Variants in UGGT2 observed in about 807,000 individuals in gnomAD.
UGGT2 encodes the protein UDP-glucose glycoprotein glucosyltransferase 2.
UGGT2 carries 180 observed loss-of-function variants against 192.1 expected under a neutral mutation model. That is an observed-to-expected ratio of 0.94 (90% CI 0.83 to 1.06). UGGT2 has a LOEUF of 1.06. UGGT2 is among the 50% of genes least tolerant of loss of function. UGGT2 has a pLI of 0.00. For synonymous variants in UGGT2, 580 were observed against 591.0 expected (o/e 0.98, Z 0.27); for missense variants, 1,849 against 1,795.7 (o/e 1.03, Z -0.54).
Position 95,999,287 on chromosome 13 carries a change from C to T in UGGT2, c.681G>A (p.Met227Ile). ...HYIQKPSSRK[M>I]YLSGYGVELA... ...GCTCCACACCATACCCAGATAAGTA[C>T]ATTTTCCGTGAGCTTGGTTTCTGTT... The change falls in exon 6 of 39, where the codon ATG (methionine) becomes ATA (isoleucine). Residue 227 changes from methionine (M) to isoleucine (I), a missense_variant. Met to Ile is a conservative substitution (Grantham distance 10, BLOSUM62 1). Coordinates refer to ENST00000376747, the MANE Select transcript of UGGT2 (RefSeq NM_020121.4). The T allele has an allele frequency of 1.9e-6, 3 of 1,613,508 alleles. No individual in the cohort carries two copies. The highest frequency in any genetic ancestry group is 2.5e-6 in the Non-Finnish European group (3 of 1,179,662).
intron 7 of UGGT2, chr13:95,995,487 G>A (rs2051589474): frequency 6.6e-6 from 1 of 152,310 alleles, no homozygotes; most frequent in Non-Finnish European, 1.5e-5. Context: ...GTCCATGTTA[G>A]TACAATTTTA....
chr13:95,850,248 A>G (rs905338184), intron 36 of UGGT2, among the ~76,000 whole-genome samples: 1 of 152,214 alleles, frequency 6.6e-6, no homozygotes, highest in Admixed American at 6.5e-5. Flanking sequence ...ACATGAATGT[A>G]GAAAGAAAAG....
chr13:95,881,553 TCAAA>T (rs774866790), intron 27 of UGGT2, among the ~76,000 whole-genome samples: 4 of 125,978 alleles, frequency 3.2e-5, no homozygotes, highest in Non-Finnish European at 7.2e-5. Context: ...CCTCTGGCAA[TCAAA>T]CAAATTCTTT....
chr13:95,942,230 GTGTGTGTGTGTGTGT>G, intron 15 of UGGT2, among the ~76,000 whole-genome samples: 1 of 47,124 alleles, frequency 2.1e-5, no homozygotes, highest in African/African-American at 5.2e-5. Flanking sequence ...GGGTGTGTGT[GTGTGTGTGTGTGTGT>G]GTGTGTGTGT....
chr13:95,879,479 A>C (rs1438676559), intron 27 of UGGT2, among the ~76,000 whole-genome samples: 1 of 152,244 alleles, frequency 6.6e-6, no homozygotes, highest in South Asian at 2.1e-4. Context: ...TCTGTTGCCC[A>C]GGCTGGAGTA....
At chr13:95,985,387 C>T (rs2140877654) in intron 9 of UGGT2, 1 of 702,196 alleles carries the variant, frequency 1.4e-6, no homozygotes, top group Non-Finnish European at 2.1e-6. Context: ...ACCAAAAAAT[C>T]CTTGGTATCT....
chr13:95,927,629 TTTTGTTTG>T (rs370414668), intron 17 of UGGT2, among the ~76,000 whole-genome samples: 3 of 152,144 alleles, frequency 2.0e-5, no homozygotes, highest in Admixed American at 6.5e-5. Flanking sequence ...CACTGAATTT[TTTTGTTTG>T]TTTGTTTGTT....
chr13:96,036,928 T>C (rs61973969), intron 1 of UGGT2, among the ~76,000 whole-genome samples: 5,208 of 152,278 alleles, frequency 0.034, 100 homozygotes, highest in Non-Finnish European at 0.041. Flanking sequence ...TTCACTCTTT[T>C]GGACAAAGTT....
chr13:96,044,836 C>T (rs544916487), intron 1 of UGGT2, among the ~76,000 whole-genome samples: 33 of 152,048 alleles, frequency 2.2e-4, no homozygotes, highest in African/African-American at 6.3e-4. Context: ...TAGTAAGCAG[C>T]GAGATTAAAA....
chr13:95,889,750 G>C (rs925813476), intron 25 of UGGT2, among the ~76,000 whole-genome samples: 5 of 152,298 alleles, frequency 3.3e-5, no homozygotes, highest in African/African-American at 1.2e-4. Flanking sequence ...CTTTCACAGG[G>C]AAAGAATTTC....
intron 20 of UGGT2, among the ~76,000 whole-genome samples, chr13:95,921,199 G>A (rs1257976273): frequency 2.0e-5 from 3 of 152,082 alleles, no homozygotes; most frequent in African/African-American, 7.2e-5. Context: ...GTTGGGGGTA[G>A]GGGGTGTGGG....
At chr13:96,037,068 T>C (rs896029589) in intron 1 of UGGT2, among the ~76,000 whole-genome samples, 4 of 152,250 alleles carry the variant, frequency 2.6e-5, no homozygotes, top group African/African-American at 7.2e-5. Context: ...GGTGTTTTTA[T>C]ACGCACTAAA....
intron 29 of UGGT2, among the ~76,000 whole-genome samples, chr13:95,870,448 C>T (rs1332296179): frequency 1.3e-5 from 2 of 152,168 alleles, no homozygotes; most frequent in African/African-American, 4.8e-5. Context: ...TGTCAAGCAC[C>T]GTCATGGAGA....
At chr13:96,040,906 G>A (rs2053146467) in intron 1 of UGGT2, among the ~76,000 whole-genome samples, 1 of 152,284 alleles carries the variant, frequency 6.6e-6, no homozygotes, top group East Asian at 1.9e-4. Context: ...TTGGAGCTAA[G>A]TGTGAGATCA....
chr13:95,814,190 G>A (rs974425288), intron 38 of UGGT2, among the ~76,000 whole-genome samples: 2 of 152,116 alleles, frequency 1.3e-5, no homozygotes, highest in African/African-American at 4.8e-5. Flanking sequence ...ATGAGAAGAG[G>A]GCCACTGTCC....
At chr13:95,871,676 A>T (rs1160780915) in intron 29 of UGGT2, among the ~76,000 whole-genome samples, 1 of 152,150 alleles carries the variant, frequency 6.6e-6, no homozygotes, top group Non-Finnish European at 1.5e-5. Flanking sequence ...TTGTTGGGCA[A>T]CTGATGTCTA....
intron 17 of UGGT2, among the ~76,000 whole-genome samples, chr13:95,929,745 T>C (rs1440799693): frequency 1.3e-5 from 2 of 152,240 alleles, no homozygotes; most frequent in African/African-American, 2.4e-5. Flanking sequence ...AGTGCTGCAG[T>C]GAACATACAT....
At chr13:95,872,516 G>A (rs899056638) in intron 29 of UGGT2, among the ~76,000 whole-genome samples, 1 of 151,996 alleles carries the variant, frequency 6.6e-6, no homozygotes, top group African/African-American at 2.4e-5. Context: ...ATCAGTTTTT[G>A]TTATATTTTA....
At chr13:96,010,668 A>G (rs1316212939) in intron 5 of UGGT2, among the ~76,000 whole-genome samples, 4 of 152,236 alleles carry the variant, frequency 2.6e-5, no homozygotes, top group Non-Finnish European at 5.9e-5. Context: ...TTCAATTGGA[A>G]GACTGAATAT....
Sources: allele counts gnomAD v4.1 joint callset (sites outside exome capture counted in the v4.1 genomes callset), GRCh38; gene constraint gnomAD v4.1.1; transcripts MANE v1.5; gene names NCBI Gene and HGNC (gene_info 2026-07-23, HGNC 2026-07-21).